The following DNM3 variants were observed in gnomAD, a reference collection of about 807,000 sequenced individuals.
DNM3 encodes dynamin-3.
Under a neutral mutation model 101.6 loss-of-function variants are expected in DNM3, and 47 were observed. The ratio of observed to expected loss-of-function variants is 0.46; its 90% confidence interval spans 0.37 to 0.59. DNM3 has a LOEUF of 0.59. Ranked by LOEUF, DNM3 falls within the 20% of genes least tolerant of loss-of-function variation. The pLI is 0.00. For missense variants in DNM3, 849 were observed against 1,085.7 expected (o/e 0.78, Z 3.06); for synonymous variants, 385 against 387.9 (o/e 0.99, Z 0.09).
At chr1:172,016,967 C>T (rs1177434959) in intron 4 of DNM3, among the ~76,000 whole-genome samples, 1 of 152,046 alleles carries the variant, frequency 6.6e-6, no homozygotes, top group Non-Finnish European at 1.5e-5. Context: ...TCAAGCAATC[C>T]TCTCACCTCA....
At chr1:171,987,167 G>T (rs2045323952) in intron 2 of DNM3, 1 of 306,278 alleles carries the variant, frequency 3.3e-6, no homozygotes, top group Admixed American at 6.5e-5. Flanking sequence ...TAAGCTAAAG[G>T]ATTCCATATA....
chr1:171,970,178 C>T, intron 2 of DNM3: 2 of 613,930 alleles, frequency 3.3e-6, no homozygotes, highest in Non-Finnish European at 4.1e-6. Context: ...CACGAAAAAT[C>T]ATTATATCTT....
intron 13 of DNM3, among the ~76,000 whole-genome samples, chr1:172,119,823 G>A (rs1025170012): frequency 1.3e-5 from 2 of 152,186 alleles, no homozygotes; most frequent in Non-Finnish European, 2.9e-5. Context: ...TTTCTTAAAC[G>A]TAGACCTCGG....
chr1:172,336,489 ATTATAATTTATATATATAAATT>A (rs1205262615), intron 17 of DNM3, among the ~76,000 whole-genome samples: 6 of 149,240 alleles, frequency 4.0e-5, no homozygotes, highest in Admixed American at 2.7e-4. Flanking sequence ...GTTTTCTATA[ATTATAATTTATATATATAAATT>A]TTATAATTTA....
chr1:172,074,180 C>T (rs2052445161), intron 11 of DNM3, among the ~76,000 whole-genome samples: 1 of 152,044 alleles, frequency 6.6e-6, no homozygotes, highest in South Asian at 2.1e-4. Flanking sequence ...GCCATGTTAG[C>T]TAGTGTTAGT....
intron 18 of DNM3, among the ~76,000 whole-genome samples, chr1:172,381,910 G>A (rs991577691): frequency 5.9e-5 from 9 of 152,084 alleles, no homozygotes; most frequent in African/African-American, 1.7e-4. Context: ...TATCAAAAGC[G>A]GTGTTCTGGC....
chr1:172,224,643 A>C (rs747565728), intron 14 of DNM3, among the ~76,000 whole-genome samples: 78 of 152,336 alleles, frequency 5.1e-4, no homozygotes, highest in Non-Finnish European at 8.8e-4. Flanking sequence ...GCTTACTTAC[A>C]TACATTTTGA....
At chr1:172,111,286 G>A (rs560585025) in intron 13 of DNM3, among the ~76,000 whole-genome samples, 115 of 152,230 alleles carry the variant, frequency 7.6e-4, no homozygotes, top group African/African-American at 2.2e-3. Context: ...GTAGCCCTTG[G>A]TGTTGATATT....
At chr1:171,924,269 G>T (rs955309499) in intron 2 of DNM3, among the ~76,000 whole-genome samples, 1 of 152,120 alleles carries the variant, frequency 6.6e-6, no homozygotes, top group African/African-American at 2.4e-5. Context: ...GTTTTCCATA[G>T]GGGTTAAACT....
At chr1:172,108,508 T>C (rs1264324780) in intron 13 of DNM3, among the ~76,000 whole-genome samples, 1 of 152,204 alleles carries the variant, frequency 6.6e-6, no homozygotes, top group Non-Finnish European at 1.5e-5. Flanking sequence ...CAATATATAT[T>C]TTCTAATTAT....
At chr1:172,290,503 C>G (rs1384032684) in intron 15 of DNM3, among the ~76,000 whole-genome samples, 1 of 152,116 alleles carries the variant, frequency 6.6e-6, no homozygotes, top group Non-Finnish European at 1.5e-5. Flanking sequence ...AATGAAAATG[C>G]ACATTTGAAA....
chr1:172,096,586 A>G (rs1216811767), intron 13 of DNM3, among the ~76,000 whole-genome samples: 1 of 152,242 alleles, frequency 6.6e-6, no homozygotes, highest in Non-Finnish European at 1.5e-5. Context: ...TTTAGGTACA[A>G]GTAAGATGGT....
At chr1:171,975,249 C>T (rs991045929) in intron 2 of DNM3, among the ~76,000 whole-genome samples, 3 of 152,052 alleles carry the variant, frequency 2.0e-5, no homozygotes, top group Admixed American at 1.3e-4. Flanking sequence ...TAAGCAAAAG[C>T]GTCTTATCAG....
chr1:172,318,596 GACAA>G (rs1364603908), intron 16 of DNM3, among the ~76,000 whole-genome samples: 1 of 152,056 alleles, frequency 6.6e-6, no homozygotes, highest in Non-Finnish European at 1.5e-5. Flanking sequence ...ACCAATAACA[GACAA>G]ACAGAGAGCC....
chr1:172,279,659 A>T (rs2063413475), intron 15 of DNM3, among the ~76,000 whole-genome samples: 2 of 152,084 alleles, frequency 1.3e-5, no homozygotes, highest in Admixed American at 1.3e-4. Context: ...CCAGTTGCTC[A>T]TGCTGGAAAC....
intron 2 of DNM3, among the ~76,000 whole-genome samples, chr1:171,957,132 A>G (rs1321158932): frequency 1.3e-5 from 2 of 151,856 alleles, no homozygotes; most frequent in Admixed American, 1.3e-4. Flanking sequence ...CTTGTTATTT[A>G]TGTAAATCTC....
chr1:172,413,243 T>C (rs1227281433), downstream of DNM3, among the ~76,000 whole-genome samples: 1 of 152,152 alleles, frequency 6.6e-6, no homozygotes, highest in Non-Finnish European at 1.5e-5. Flanking sequence ...GTTTGTTTGT[T>C]TTTGAGACGG....
intron 2 of DNM3, among the ~76,000 whole-genome samples, chr1:171,966,567 C>T (rs2043601677): frequency 6.6e-6 from 1 of 152,180 alleles, no homozygotes; most frequent in Admixed American, 6.5e-5. Flanking sequence ...GGCATCGACC[C>T]AGGGTATTCT....
intron 14 of DNM3, among the ~76,000 whole-genome samples, chr1:172,224,655 G>C (rs984315985): frequency 2.6e-5 from 4 of 152,132 alleles, no homozygotes; most frequent in Admixed American, 2.6e-4. Context: ...ACATTTTGAG[G>C]CATAGATTAA....
Sources: gnomAD v4.1 joint callset for allele counts (sites outside exome capture counted in the v4.1 genomes callset) on GRCh38, gnomAD v4.1.1 for gene constraint, MANE v1.5 for transcripts, NCBI Gene and HGNC (gene_info 2026-07-23, HGNC 2026-07-21) for gene names.